FBXO22: variants seen among roughly 807,000 people sequenced by gnomAD.
The protein encoded by FBXO22 is F-box only protein 22.
FBXO22 carries 13 observed loss-of-function variants against 37.2 expected under a neutral mutation model. That is an observed-to-expected ratio of 0.35 (90% CI 0.23 to 0.56). The LOEUF is 0.56. Ranked by LOEUF, FBXO22 falls within the 20% of genes least tolerant of loss-of-function variation. The pLI, the probability that FBXO22 is intolerant of heterozygous loss-of-function variation, is 0.87. For missense variants in FBXO22, 446 were observed against 509.9 expected (o/e 0.87, Z 1.21); for synonymous variants, 189 against 189.1 (o/e 1.00, Z 0.00).
Position 75,942,005 on chromosome 15 carries a change from G to A in FBXO22, c.*8903G>A, listed in dbSNP as rs1173012943. On this transcript the variant is annotated 3_prime_UTR_variant, in exon 7 of 7. Transcript: ENST00000308275. The stretch of plus-strand genomic sequence containing the variant: ...TTTTTTTTTAAAAAGGGCAGGGGGT[G>A]GGGTATTTAGTCACAAGACATAGAG... 1 of 148,238 alleles carries A rather than the reference G, an allele frequency of 6.7e-6. No individual in the cohort carries two copies. The highest frequency in any genetic ancestry group is 1.5e-5 in the Non-Finnish European group (1 of 67,306). The allele number at this position is 148,238 out of a possible 1,614,324, so 9.2% of individuals were successfully genotyped here. A position where few individuals can be genotyped will look rare whatever the true frequency, so the allele number is the denominator to read the frequency against.
chr15:75,935,572 A>T lies in FBXO22; in HGVS notation c.*2470A>T, dbSNP rs2030260758. The T allele has an allele frequency of 6.6e-6, 1 of 151,176 alleles. No homozygotes were observed. The highest frequency in any genetic ancestry group is 1.5e-5 in the Non-Finnish European group (1 of 67,896). 9.4% of individuals were successfully genotyped at this position (151,176 alleles called of 1,614,324 possible). A position where few individuals can be genotyped will look rare whatever the true frequency, so the allele number is the denominator to read the frequency against. Reference sequence around the variant, plus strand: ...AGGAAGAGGGAAAGTAAACCTTGAAATTAAGACCTAGAAATAGATCCACCC... The same window carrying T: ...AGGAAGAGGGAAAGTAAACCTTGAATTTAAGACCTAGAAATAGATCCACCC... On this transcript the variant is annotated 3_prime_UTR_variant, in exon 7 of 7. Transcript: ENST00000308275.
At chr15:75,910,419 T>G (rs971275158) in intron 2 of FBXO22, 3 of 152,212 alleles carry the variant, frequency 2.0e-5, no homozygotes, top group Non-Finnish European at 4.4e-5. Flanking sequence ...CCACATCCTC[T>G]CCAGCATCTG....
At chr15:75,904,972 C>T (rs1899894528) in intron 2 of FBXO22, among the ~76,000 whole-genome samples, 1 of 152,044 alleles carries the variant, frequency 6.6e-6, no homozygotes, top group African/African-American at 2.4e-5. Flanking sequence ...TACAGGCGCC[C>T]GCCACCATGC....
chr15:75,929,993 G>A lies in FBXO22; in HGVS notation c.738G>A (p.Met246Ile). The A allele has an allele frequency of 6.2e-7, 1 of 1,614,110 alleles. No homozygotes were observed. The highest frequency in any genetic ancestry group is 8.5e-7 in the Non-Finnish European group (1 of 1,179,968). Residue 246 changes from methionine to isoleucine, a missense_variant, in exon 6 of 7, where the codon ATG becomes ATA. This residue lies in a region of FBXO22 where 315 missense variants were observed against 410.1 expected (regional missense o/e 0.77). Transcript: ENST00000308275. ...LQQVVSTFSD[M>I]NIILAGGQVD... ...AAGTAGTCAGCACTTTCAGTGATATGAATATCATCTTGGCTGGAGGCCAGG... is the reference window on the plus strand; with the variant it reads ...AAGTAGTCAGCACTTTCAGTGATATAAATATCATCTTGGCTGGAGGCCAGG...
intron 5 of FBXO22, among the ~76,000 whole-genome samples, chr15:75,923,975 AT>A (rs1289622646): frequency 6.6e-6 from 1 of 152,160 alleles, no homozygotes; most frequent in Non-Finnish European, 1.5e-5. Flanking sequence ...TCATGCGGGT[AT>A]GTGGCTAGCG....
chr15:75,930,538 G>A (rs926241240), intron 6 of FBXO22: 29 of 986,740 alleles, frequency 2.9e-5, no homozygotes, highest in Non-Finnish European at 3.2e-5. Flanking sequence ...CTTGCAAGTC[G>A]TACTGGTTTT....
chr15:75,936,766 G>C lies in FBXO22; in HGVS notation c.*3664G>C, dbSNP rs2030382337. ...ATTTTGTATTTTTAGTAGAGATGGG[G>C]TTTCTCTGTGTTGGTCAGGCTGGCC... On this transcript the variant is annotated 3_prime_UTR_variant, in exon 7 of 7. Transcript: ENST00000308275. The C allele has an allele frequency of 6.6e-6, 1 of 151,912 alleles. No individual in the cohort carries two copies. Among genetic ancestry groups the C allele is most frequent in the African/African-American group, 2.4e-5 (1 of 41,204 alleles). The allele number at this position is 151,912 out of a possible 1,614,324, so 9.4% of individuals were successfully genotyped here.
At chr15:75,931,729 G>A (rs1270156490) in intron 6 of FBXO22, among the ~76,000 whole-genome samples, 1 of 151,956 alleles carries the variant, frequency 6.6e-6, no homozygotes, top group African/African-American at 2.4e-5. Context: ...TATCAATGTT[G>A]TATTTTCTTT....
At chr15:75,923,853 A>G (rs1245482244) in intron 5 of FBXO22, among the ~76,000 whole-genome samples, 1 of 152,114 alleles carries the variant, frequency 6.6e-6, no homozygotes, top group Non-Finnish European at 1.5e-5. Context: ...GGCAGTGGTG[A>G]GTGGAGTTGA....
intron 5 of FBXO22, among the ~76,000 whole-genome samples, chr15:75,918,402 C>T (rs1037041515): frequency 2.6e-5 from 4 of 151,576 alleles, no homozygotes; most frequent in Non-Finnish European, 4.4e-5. Context: ...AAGACTCAGC[C>T]GGGAACCTCT....
Position 75,932,896 on chromosome 15 carries a change from G to A in FBXO22, c.1006G>A (p.Ala336Thr), listed in dbSNP as rs1156885273. 3.1e-6 allele frequency: 5 copies of A among 1,614,244 alleles called. No individual in the cohort carries two copies. Among genetic ancestry groups the A allele is most frequent in the Admixed American group, 1.7e-5 (1 of 60,034 alleles). ...CVGRGFQYYR[A>T]KGNVEADAFR... The stretch of plus-strand genomic sequence containing the variant: ...TGGCAGGGGCTTTCAGTATTACAGA[G>A]CCAAGGGGAATGTTGAGGCTGATGC... Residue 336 changes from alanine (A) to threonine (T), a missense_variant, in exon 7 of 7, where the codon GCC (alanine) becomes ACC (threonine). Coordinates refer to ENST00000308275, the MANE Select transcript of FBXO22 (RefSeq NM_147188.3).
In FBXO22 at chr15:75,940,063, A is replaced by G. The variant is rs1012898073; in HGVS notation, c.*6961A>G. The G allele has an allele frequency of 5.3e-5, 8 of 151,740 alleles. No homozygotes were observed. Among genetic ancestry groups the G allele is most frequent in the African/African-American group, 1.2e-4 (5 of 41,338 alleles). The allele number at this position is 151,740 out of a possible 1,614,324, so 9.4% of individuals were successfully genotyped here. On this transcript the variant is annotated 3_prime_UTR_variant, in exon 7 of 7. Coordinates refer to ENST00000308275, the MANE Select transcript of FBXO22 (RefSeq NM_147188.3). ...GTTGGAAAGTAAGAAGTAAAATCCT[A>G]TATGTTCACAAATGATATGATCTTT... is the stretch of plus-strand genomic sequence containing the variant.
At position 75,904,015 on chromosome 15, in the gene FBXO22, C is replaced by T. The variant is rs749853495; in HGVS notation, c.52C>T (p.Arg18Trp). The change falls in exon 1 of 7, where the codon CGG (arginine) becomes TGG (tryptophan). Residue 18 changes from arginine (R) to tryptophan (W), a missense_variant. Around this residue, in one of 2 missense-constraint regions of FBXO22, gnomAD observed 131 missense variants for 99.8 expected, o/e 1.31. Coordinates refer to ENST00000308275, the MANE Select transcript of FBXO22 (RefSeq NM_147188.3). ...GECRGSSVDP[R>W]STFVLSNLAE... Reference sequence around the variant, plus strand: ...GTGCCGCGGCTCCTCCGTAGACCCGCGGAGCACCTTCGTGTTGAGTAACCT... The same window carrying T: ...GTGCCGCGGCTCCTCCGTAGACCCGTGGAGCACCTTCGTGTTGAGTAACCT... 23 of 1,579,862 alleles carry T rather than the reference C, an allele frequency of 1.5e-5. No homozygotes were observed. Among genetic ancestry groups the T allele is most frequent in the Middle Eastern group, 3.4e-4 (2 of 5,870 alleles).
At chr15:75,910,038 T>G (rs557492232) in intron 2 of FBXO22, among the ~76,000 whole-genome samples, 1 of 152,322 alleles carries the variant, frequency 6.6e-6, no homozygotes, top group Admixed American at 6.5e-5. Flanking sequence ...GTTCCTGTGT[T>G]AGTTTGCTGA....
chr15:75,904,549 A>G lies in FBXO22; in HGVS notation c.199A>G (p.Thr67Ala). Residue 67 changes from threonine (T) to alanine (A), a missense_variant, in exon 2 of 7, where the codon ACC becomes GCC. Thr to Ala is a moderately conservative substitution (Grantham distance 58). Coordinates refer to ENST00000308275, the MANE Select transcript of FBXO22 (RefSeq NM_147188.3). ...RRVLRTHRSV[T>A]WISAGLAEAG... ...AGTATTGCGGACCCATCGGAGCGTAACCTGGATCTCCGCAGGCCTGGCGGA... is the reference window on the plus strand; with the variant it reads ...AGTATTGCGGACCCATCGGAGCGTAGCCTGGATCTCCGCAGGCCTGGCGGA... 6.2e-7 allele frequency: 1 copy of G among 1,613,954 alleles called. No homozygotes were observed. The highest frequency in any genetic ancestry group is 8.5e-7 in the Non-Finnish European group (1 of 1,179,908).
At chr15:75,929,630 A>G (rs922444655) in intron 5 of FBXO22, among the ~76,000 whole-genome samples, 4 of 152,206 alleles carry the variant, frequency 2.6e-5, no homozygotes, top group Non-Finnish European at 4.4e-5. Context: ...ATTAACACAA[A>G]TAGCCATTTA....
At chr15:75,920,921 A>G (rs1200827476) in intron 5 of FBXO22, among the ~76,000 whole-genome samples, 1 of 152,248 alleles carries the variant, frequency 6.6e-6, no homozygotes, top group Non-Finnish European at 1.5e-5. Context: ...GGTATGAAGA[A>G]TACATATACA....
chr15:75,936,009 G>C lies in FBXO22; in HGVS notation c.*2907G>C, dbSNP rs1025828534. 3 of 152,204 alleles carry C rather than the reference G, an allele frequency of 2.0e-5. No homozygotes were observed. The highest frequency in any genetic ancestry group is 4.8e-5 in the African/African-American group (2 of 41,510). 9.4% of individuals were successfully genotyped at this position (152,204 alleles called of 1,614,324 possible). On this transcript the variant is annotated 3_prime_UTR_variant, in exon 7 of 7. Transcript: ENST00000308275. ...TCACCGTGTTAGCCAAGATGGTCTC[G>C]ATCTCCTGACCTTGTGATCCGCCCG...
intron 2 of FBXO22, among the ~76,000 whole-genome samples, chr15:75,908,316 A>G (rs981941659): frequency 6.7e-6 from 1 of 149,456 alleles, no homozygotes; most frequent in African/African-American, 2.5e-5. Flanking sequence ...CCTGTCGCCC[A>G]GGCTGGATTG....
Sources: gnomAD v4.1 joint callset for allele counts (sites outside exome capture counted in the v4.1 genomes callset) on GRCh38, gnomAD v4.1.1 for gene constraint, gnomAD v4.1.1 regional missense constraint, MANE v1.5 for transcripts, NCBI Gene and HGNC (gene_info 2026-07-23, HGNC 2026-07-21) for gene names.